The following CNIH3 variants were observed in gnomAD, a reference collection of about 807,000 sequenced individuals.
The protein encoded by CNIH3 is cornichon family AMPA receptor auxiliary protein 3, also known as protein cornichon homolog 3.
In CNIH3, 14 loss-of-function variants were observed where a neutral mutation model predicts 24.1. The ratio of observed to expected loss-of-function variants is 0.58; its 90% CI spans 0.38 to 0.91. The LOEUF is 0.91. CNIH3 is among the 40% of genes least tolerant of loss of function. The probability of loss-of-function intolerance (pLI) is 0.00; values close to 1 mark genes in which losing one functional copy is unlikely to be tolerated. For synonymous variants in CNIH3, 68 were observed against 73.8 expected (o/e 0.92, Z 0.40); for missense variants, 178 against 196.8 (o/e 0.90, Z 0.57).
At chr1:224,709,679 C>T (rs1216447666) in intron 3 of CNIH3, among the ~76,000 whole-genome samples, 1 of 152,224 alleles carries the variant, frequency 6.6e-6, no homozygotes, top group African/African-American at 2.4e-5. Flanking sequence ...AGCCAGGCCA[C>T]AGGCTTCCTC....
intron 1 of CNIH3, among the ~76,000 whole-genome samples, chr1:224,629,628 A>G (rs4654060): frequency 0.7 from 106,169 of 152,006 alleles, 38,721 homozygotes; most frequent in East Asian, 0.99. Context: ...CCAGGGCTTG[A>G]GTCCCTGCCT....
intron 1 of CNIH3, among the ~76,000 whole-genome samples, chr1:224,643,459 C>T (rs867593928): frequency 5.3e-5 from 8 of 152,170 alleles, no homozygotes; most frequent in East Asian, 1.9e-4. Flanking sequence ...GCAGCCCAGT[C>T]GGCTTGTCTG....
At chr1:224,730,108 C>A (rs919236343) in intron 3 of CNIH3, among the ~76,000 whole-genome samples, 3 of 152,200 alleles carry the variant, frequency 2.0e-5, no homozygotes, top group African/African-American at 7.2e-5. Flanking sequence ...AGTATTTCTC[C>A]TAGTGGTCCT....
intron 1 of CNIH3, among the ~76,000 whole-genome samples, chr1:224,641,101 G>A (rs1362956850): frequency 2.0e-5 from 3 of 152,176 alleles, no homozygotes; most frequent in African/African-American, 4.8e-5. Flanking sequence ...ATGTGAAGAC[G>A]CTGTGATTGG....
chr1:224,728,752 A>G (rs1689166895), intron 3 of CNIH3, among the ~76,000 whole-genome samples: 1 of 152,214 alleles, frequency 6.6e-6, no homozygotes, highest in Non-Finnish European at 1.5e-5. Flanking sequence ...TCTCCACCCA[A>G]AGAAATCTTA....
At chr1:224,706,506 T>C (rs930239510) in intron 3 of CNIH3, among the ~76,000 whole-genome samples, 1 of 152,216 alleles carries the variant, frequency 6.6e-6, no homozygotes, top group Non-Finnish European at 1.5e-5. Context: ...ACCTGTCTTG[T>C]GGGTGCCCAA....
intron 4 of CNIH3, among the ~76,000 whole-genome samples, chr1:224,572,565 C>A (rs1266206366): frequency 6.9e-6 from 1 of 145,206 alleles, no homozygotes; most frequent in Non-Finnish European, 1.5e-5. Context: ...CTAATTGAAA[C>A]TTTACTACAG....
At chr1:224,675,193 C>T (rs935832307) in intron 1 of CNIH3, among the ~76,000 whole-genome samples, 11 of 152,204 alleles carry the variant, frequency 7.2e-5, no homozygotes, top group South Asian at 2.1e-4. Context: ...GGGGTGGCTC[C>T]GAATATAAAT....
chr1:224,550,234 T>G (rs1016389782), intron 3 of CNIH3, among the ~76,000 whole-genome samples: 1 of 152,132 alleles, frequency 6.6e-6, no homozygotes, highest in South Asian at 2.1e-4. Flanking sequence ...GTGTAACCAC[T>G]AGATTTTATA....
In CNIH3 at chr1:224,458,617, A is replaced by G. The variant is rs1675779337; in HGVS notation, n.203+23755A>G. Among the ~76,000 whole-genome samples the G allele has an allele frequency of 6.6e-6, 1 of 152,054 alleles. No individual in the cohort carries two copies. Among genetic ancestry groups the G allele is most frequent in the South Asian group, 2.1e-4 (1 of 4,816 alleles). ...TGAACAGACCTCCTACCACTTTCCTACTACTCCCCCTAATGATAACATACT... is the reference window on the plus strand; with the variant it reads ...TGAACAGACCTCCTACCACTTTCCTGCTACTCCCCCTAATGATAACATACT... On this transcript the variant is annotated intron_variant and non_coding_transcript_variant, in intron 1 of 5. Transcript: ENST00000471578. This position sits in a 1 kb window ranked among gnomAD's most constrained non-coding sequence, Gnocchi z 4.3.
At chr1:224,631,305 G>A (rs2125078689) in intron 1 of CNIH3, among the ~76,000 whole-genome samples, 1 of 152,214 alleles carries the variant, frequency 6.6e-6, no homozygotes, top group Non-Finnish European at 1.5e-5. Flanking sequence ...AATCCACCTA[G>A]CGTTCCTCTC....
intron 1 of CNIH3, among the ~76,000 whole-genome samples, chr1:224,445,890 T>C (rs1675142000): frequency 1.3e-5 from 2 of 152,228 alleles, no homozygotes; most frequent in African/African-American, 4.8e-5. Context: ...GCCTTTCATG[T>C]TTATGTCTAC....
At chr1:224,683,888 A>G (rs973241503) in intron 2 of CNIH3, among the ~76,000 whole-genome samples, 3 of 152,234 alleles carry the variant, frequency 2.0e-5, no homozygotes, top group Admixed American at 6.5e-5. Context: ...CTTTCCAGCC[A>G]TGTGGACACT....
At chr1:224,455,215 C>CA (rs1675597202) in intron 1 of CNIH3, among the ~76,000 whole-genome samples, 1 of 152,078 alleles carries the variant, frequency 6.6e-6, no homozygotes. Flanking sequence ...TATGGGTACT[C>CA]AAAGTATGGT....
intron 3 of CNIH3, among the ~76,000 whole-genome samples, chr1:224,598,797 T>A (rs1232410947): frequency 2.6e-5 from 4 of 152,242 alleles, no homozygotes; most frequent in Non-Finnish European, 5.9e-5. Flanking sequence ...TATTTTAGAC[T>A]GAATACTATT....
intron 3 of CNIH3, among the ~76,000 whole-genome samples, chr1:224,723,957 G>T (rs72761841): frequency 0.23 from 34,594 of 152,062 alleles, 4,266 homozygotes; most frequent in Middle Eastern, 0.32. Flanking sequence ...GGTTCACGCC[G>T]CTAATCCCCA....
intron 1 of CNIH3, among the ~76,000 whole-genome samples, chr1:224,498,954 G>T (rs1273690706): frequency 6.6e-6 from 1 of 152,216 alleles, no homozygotes; most frequent in Admixed American, 6.5e-5. Flanking sequence ...CTTCCTGTCC[G>T]CAGGCACTGC....
rs1434949782 is a variant in CNIH3 at position 224,579,754 on chromosome 1, T to G, written n.517-3410T>G. Among the ~76,000 whole-genome samples the G allele has an allele frequency of 4.6e-5, 7 of 152,088 alleles. No homozygotes were observed. In the South Asian group the frequency reaches 1.5e-3, roughly 32 times the overall value. ...CTGGTTGTTAAAAAGAGCCTGGAAC[T>G]TTCCCCCCCTCTCTCTTTCTTCCTC... On this transcript the variant is annotated intron_variant and non_coding_transcript_variant, in intron 4 of 5. Coordinates refer to the CNIH3 transcript ENST00000471578.
chr1:224,451,047 C>T (rs1022163074), intron 1 of CNIH3, among the ~76,000 whole-genome samples: 2 of 152,178 alleles, frequency 1.3e-5, no homozygotes, highest in African/African-American at 4.8e-5. Context: ...CCCTGAAAAA[C>T]AAGATGCCAT....
Sources: gnomAD v4.1 joint callset for allele counts (sites outside exome capture counted in the v4.1 genomes callset) on GRCh38, gnomAD v4.1.1 for gene constraint, Gnocchi (gnomAD v3.1) non-coding constraint, MANE v1.5 for transcripts, NCBI Gene and HGNC (gene_info 2026-07-23, HGNC 2026-07-21) for gene names.